Variants in SETBP1 observed in about 807,000 individuals in gnomAD.
SETBP1 encodes the protein SET-binding protein.
In SETBP1, 9 loss-of-function variants were observed where a neutral mutation model predicts 101.0. That is an observed-to-expected ratio of 0.09 (90% CI 0.05 to 0.16). The LOEUF (loss-of-function observed/expected upper bound fraction) is 0.16, where lower values mean the gene tolerates loss of function less well. SETBP1 is among the 10% of genes least tolerant of loss of function. SETBP1 has a pLI of 1.00. For synonymous variants in SETBP1, 818 were observed against 788.5 expected, an observed-to-expected ratio of 1.04 and a Z score of -0.63; for missense variants, 1,858 against 2,033.8, an observed-to-expected ratio of 0.91 and a Z score of 1.66.
At chr18:45,050,033 C>G (rs1047173696) in intron 5 of SETBP1, among the ~76,000 whole-genome samples, 2 of 152,096 alleles carry the variant, frequency 1.3e-5, no homozygotes, top group Admixed American at 1.3e-4. Context: ...GATGTGTGCT[C>G]TTAGGAAAAA....
intron 2 of SETBP1, among the ~76,000 whole-genome samples, chr18:44,747,380 G>T (rs2070279231): frequency 6.6e-6 from 1 of 152,128 alleles, no homozygotes. Context: ...CAGGAAAAGG[G>T]AACTGAAAAG....
chr18:44,998,427 G>A (rs186795425), intron 4 of SETBP1, among the ~76,000 whole-genome samples: 53 of 152,264 alleles, frequency 3.5e-4, no homozygotes, highest in Admixed American at 7.2e-4. Flanking sequence ...TAAAGACCCC[G>A]GAGATTTCAC....
At chr18:44,869,586 A>G (rs2069224265) in intron 3 of SETBP1, 2 of 348,178 alleles carry the variant, frequency 5.7e-6, no homozygotes, top group South Asian at 2.2e-5. Context: ...GGTTAAACCA[A>G]TGGCGGCAGA....
At chr18:44,789,072 G>A (rs1381363646) in intron 2 of SETBP1, among the ~76,000 whole-genome samples, 1 of 151,768 alleles carries the variant, frequency 6.6e-6, no homozygotes, top group South Asian at 2.1e-4. Flanking sequence ...CAAAGTGTGG[G>A]GATTACAAGT....
intron 4 of SETBP1, among the ~76,000 whole-genome samples, chr18:44,981,072 T>C (rs1302714315): frequency 6.6e-6 from 1 of 152,218 alleles, no homozygotes; most frequent in Non-Finnish European, 1.5e-5. Flanking sequence ...ATCTCAGACC[T>C]ATTAAATGAG....
At chr18:44,795,355 T>C (rs1257624781) in intron 2 of SETBP1, among the ~76,000 whole-genome samples, 1 of 152,206 alleles carries the variant, frequency 6.6e-6, no homozygotes, top group African/African-American at 2.4e-5. Flanking sequence ...CATTGCTACT[T>C]GGCACATCGA....
chr18:45,059,151 A>G (rs1336341658), intron 5 of SETBP1, among the ~76,000 whole-genome samples: 1 of 152,222 alleles, frequency 6.6e-6, no homozygotes, highest in Non-Finnish European at 1.5e-5. Flanking sequence ...ACCCATCAAT[A>G]TCAACTTCAG....
intron 2 of SETBP1, among the ~76,000 whole-genome samples, chr18:44,836,119 C>CTTT (rs34638058): frequency 1.4e-5 from 2 of 147,288 alleles, no homozygotes; most frequent in African/African-American, 5.0e-5. Flanking sequence ...TCTCTATAAG[C>CTTT]TTTTTTTTTT....
At chr18:44,826,038 A>C (rs925344765) in intron 2 of SETBP1, among the ~76,000 whole-genome samples, 1 of 152,266 alleles carries the variant, frequency 6.6e-6, no homozygotes, top group Non-Finnish European at 1.5e-5. Context: ...GGAATTTAGT[A>C]GGTTCTCAAT....
chr18:44,965,256 AACAG>A (rs1436553838), intron 4 of SETBP1, among the ~76,000 whole-genome samples: 4 of 144,166 alleles, frequency 2.8e-5, no homozygotes, highest in South Asian at 2.2e-4. Context: ...GCACACATAC[AACAG>A]ACAGAGACAG....
At position 45,025,484 on chromosome 18, in the gene SETBP1, G is replaced by T. The variant is rs964951311; in HGVS notation, c.4001-13001G>T. On this transcript the variant is annotated intron_variant, in intron 4 of 5. Transcript: ENST00000649279. Reference sequence around the variant, plus strand: ...ATAAAGATTAGGAGATCTATCTAATGATGGGTCTGAGTTTCTCTGATTTTT... The same window carrying T: ...ATAAAGATTAGGAGATCTATCTAATTATGGGTCTGAGTTTCTCTGATTTTT... Among the ~76,000 whole-genome samples the T allele has an allele frequency of 3.9e-5, 6 of 152,286 alleles. No individual in the cohort carries two copies. The East Asian group carries it at 1.2e-3, about 29-fold the overall frequency.
intron 4 of SETBP1, among the ~76,000 whole-genome samples, chr18:45,022,722 T>C (rs1449587650): frequency 6.6e-6 from 1 of 151,932 alleles, no homozygotes; most frequent in South Asian, 2.1e-4. Flanking sequence ...CCCAGCTACA[T>C]GGGAGGCTGA....
In SETBP1 at chr18:44,793,102, A is replaced by G. The variant is rs140037168; in HGVS notation, c.487-76128A>G. On this transcript the variant is annotated intron_variant, in intron 2 of 5. Coordinates refer to ENST00000649279, the MANE Select transcript of SETBP1 (RefSeq NM_015559.3). ...AGAGAAAAAGCAGAAATGCAGCTAT[A>G]GAGTGTGACAGCCGTAGAATTAAAA... Among the ~76,000 whole-genome samples the G allele has an allele frequency of 4.2e-3, 642 of 152,344 alleles. 9 individuals carry two copies. Among genetic ancestry groups the G allele is most frequent in the African/African-American group, 0.015 (608 of 41,576 alleles).
At chr18:44,980,192 G>A (rs2072080979) in intron 4 of SETBP1, among the ~76,000 whole-genome samples, 1 of 152,166 alleles carries the variant, frequency 6.6e-6, no homozygotes, top group Admixed American at 6.5e-5. Flanking sequence ...GATTGGGTGA[G>A]CTGGGAATAT....
At chr18:44,877,047 A>C in intron 3 of SETBP1, 1 of 1,103,346 alleles carries the variant, frequency 9.1e-7, no homozygotes. Flanking sequence ...CTTAGGAAAC[A>C]CATGCCTTTA....
At chr18:45,044,979 G>C (rs1476914241) in intron 5 of SETBP1, among the ~76,000 whole-genome samples, 2 of 152,182 alleles carry the variant, frequency 1.3e-5, no homozygotes, top group East Asian at 3.8e-4. Context: ...AAGTCCACAA[G>C]TTAACATAAA....
chr18:45,045,119 T>TA (rs879655921), intron 5 of SETBP1, among the ~76,000 whole-genome samples: 2,953 of 141,372 alleles, frequency 0.021, 101 homozygotes, highest in African/African-American at 0.07. Context: ...CCGTCTTTAC[T>TA]AAAAAAAAAA....
At chr18:44,996,590 G>A (rs1326364684) in intron 4 of SETBP1, among the ~76,000 whole-genome samples, 4 of 152,324 alleles carry the variant, frequency 2.6e-5, no homozygotes, top group East Asian at 3.9e-4. Context: ...CATTCATATC[G>A]AACTTTCTGA....
chr18:44,952,716 G>A lies in SETBP1; in HGVS notation c.3376G>A (p.Gly1126Ser), dbSNP rs1451476211. 3 of 1,614,094 alleles carry A rather than the reference G, an allele frequency of 1.9e-6. No individual in the cohort carries two copies. The South Asian group carries it at 3.3e-5, about 18-fold the overall frequency. ...GCAGGGACCTGTTAGCATGGGCCTT[G>A]GTGACATGCAGCCTTCTCTGAACCC... The part of the protein sequence containing the change: ...HLQGPVSMGL[G>S]DMQPSLNPPK... Residue 1126 changes from glycine (G) to serine (S), a missense_variant, in exon 4 of 6, where the codon GGT (glycine) becomes AGT (serine). Physicochemically the swap from Gly to Ser is moderately conservative, Grantham distance 56. Transcript: ENST00000649279.
Sources: allele counts gnomAD v4.1 joint callset (sites outside exome capture counted in the v4.1 genomes callset), GRCh38; gene constraint gnomAD v4.1.1; transcripts MANE v1.5; gene names NCBI Gene and HGNC (gene_info 2026-07-23, HGNC 2026-07-21).